Variants in GGT7 observed in about 807,000 individuals in gnomAD.
GGT7 encodes gamma-glutamyltransferase 7.
In GGT7, 30 loss-of-function variants were observed where a neutral mutation model predicts 69.2. The ratio of observed to expected loss-of-function variants is 0.43; its 90% confidence interval spans 0.32 to 0.59. The LOEUF (loss-of-function observed/expected upper bound fraction) is 0.59, where lower values mean the gene tolerates loss of function less well. GGT7 is among the 20% of genes least tolerant of loss of function. The probability of loss-of-function intolerance (pLI) is 0.05; values close to 1 mark genes in which losing one functional copy is unlikely to be tolerated. For missense variants in GGT7, 733 were observed against 901.1 expected (o/e 0.81, Z 2.39); for synonymous variants, 388 against 391.8 (o/e 0.99, Z 0.12).
intron 3 of GGT7, 24 bp from the exon 4 acceptor site, chr20:34,861,586 G>GCA: frequency 7.4e-7 from 1 of 1,352,852 alleles, no homozygotes; most frequent in Non-Finnish European, 1.0e-6. Context: ...AGAAGGGGAA[G>GCA]TGTGATGATA....
At chr20:34,846,908 C>T (rs2079313585) in intron 14 of GGT7, among the ~76,000 whole-genome samples, 1 of 152,280 alleles carries the variant, frequency 6.6e-6, no homozygotes, top group Middle Eastern at 3.4e-3. Flanking sequence ...AGTGCCTTTG[C>T]ACTTACTGTT....
At position 34,845,351 on chromosome 20, in the gene GGT7, C is replaced by T. The variant is rs753915074; in HGVS notation, c.1966G>A (p.Ala656Thr). 3 of 1,613,966 alleles carry T rather than the reference C, an allele frequency of 1.9e-6. No individual in the cohort carries two copies. Among genetic ancestry groups the T allele is most frequent in the East Asian group, 4.5e-5 (2 of 44,880 alleles). The stretch of plus-strand genomic sequence containing the variant: ...CTCTACAGGATGGTGGCTCCAGCTG[C>T]ATCTGGGCTCCGAGGGTCCTTAACA... ...IAVKDPRSPD[A>T]AGATIL The change falls in exon 15 of 15, where the codon GCA becomes ACA. Residue 656 changes from alanine to threonine, a missense_variant. Transcript: ENST00000336431.
At chr20:34,855,047 G>T in intron 8 of GGT7, 124 bp from the exon 9 acceptor site, 1 of 875,712 alleles carries the variant, frequency 1.1e-6, no homozygotes, top group Non-Finnish European at 1.7e-6. Context: ...CACCAGATGG[G>T]GAAACTGAAA....
In GGT7 at chr20:34,872,271, G is replaced by A. The variant is rs1445281926; in HGVS notation, c.169+376C>T. ...TTAAGGCACAGATTGGATCCCTCTT[G>A]CTGCAGTCTCTGACTTGGTTTCTCC... On this transcript the variant is annotated intron_variant, in intron 1 of 14. Coordinates refer to ENST00000336431, the MANE Select transcript of GGT7 (RefSeq NM_178026.3). The A allele has an allele frequency of 1.8e-5, 3 of 169,500 alleles. No homozygotes were observed. In the East Asian group the frequency reaches 4.7e-4, roughly 27 times the overall value. The allele number at this position is 169,500 out of a possible 1,614,324, so 10.5% of individuals were successfully genotyped here.
chr20:34,850,909 A>G (rs749604929), intron 13 of GGT7: 1 of 633,378 alleles, frequency 1.6e-6, no homozygotes. Flanking sequence ...CTGGTTGTCT[A>G]TTCAGATGCT....
At position 34,861,517 on chromosome 20, in the gene GGT7, G is replaced by T; in HGVS notation, c.603C>A (p.His201Gln). The change falls in exon 4 of 15, where the codon CAC becomes CAA. Residue 201 changes from histidine (H) to glutamine (Q), a missense_variant. Transcript: ENST00000336431. ...LVHDIRRNES[H>Q]LIDFRESAPG... Reference sequence around the variant, plus strand: ...GTGCGGACTCCCGGAAATCAATTAGGTGGCTCTCATTTCGTCGGATGTCAT... The same window carrying T: ...GTGCGGACTCCCGGAAATCAATTAGTTGGCTCTCATTTCGTCGGATGTCAT... The T allele has an allele frequency of 6.5e-7, 1 of 1,540,460 alleles. No homozygotes were observed. The highest frequency in any genetic ancestry group is 1.2e-5 in the South Asian group (1 of 83,050).
At chr20:34,855,873 C>T (rs1303497456) in intron 8 of GGT7, among the ~76,000 whole-genome samples, 1 of 151,184 alleles carries the variant, frequency 6.6e-6, no homozygotes, top group Non-Finnish European at 1.5e-5. Context: ...ATGCTTACTG[C>T]AGCCTTGACC....
chr20:34,856,995 C>T, intron 7 of GGT7, 102 bp from the exon 8 acceptor site: 1 of 755,890 alleles, frequency 1.3e-6, no homozygotes, highest in Non-Finnish European at 2.4e-6. Context: ...TTTATAACTT[C>T]TGTGCCTTCT....
At chr20:34,849,015 CTCTGA>C (rs1156950986) in intron 14 of GGT7, among the ~76,000 whole-genome samples, 1 of 149,484 alleles carries the variant, frequency 6.7e-6, no homozygotes, top group Admixed American at 6.6e-5. Flanking sequence ...CTGCCTGCCT[CTCTGA>C]TCTAATTTCA....
Position 34,860,236 on chromosome 20 carries a change from C to T in GGT7, c.743+18G>A. ...GATGCAAACGGGGGTCCCTGGTCCC[C>T]AGGGGGAGGGTTGTTACCTGCCATA... On this transcript the variant is annotated intron_variant, in intron 5 of 14. Transcript: ENST00000336431. 6.3e-7 allele frequency: 1 copy of T among 1,597,326 alleles called. No homozygotes were observed. The highest frequency in any genetic ancestry group is 1.3e-5 in the African/African-American group (1 of 74,714).
rs373147980 is a variant in GGT7, at chr20:34,860,039, C to A, written c.747G>T (p.Leu249=). The part of the protein sequence containing the change: ...LHEAHQLYGR[L]PWSQVLAFAA... The stretch of plus-strand genomic sequence containing the variant: ...CAAAGGCCAGGACTTGGGACCATGG[C>A]AGCCTGGGGGGGCCGGAGAGCAGGG... Residue 249 remains leucine (L), a synonymous_variant, in exon 6 of 15, where the codon CTG becomes CTT. Transcript: ENST00000336431. The A allele has an allele frequency of 1.3e-6, 2 of 1,553,246 alleles. No homozygotes were observed. Among genetic ancestry groups the A allele is most frequent in the South Asian group, 1.2e-5 (1 of 84,902 alleles).
At chr20:34,865,265 A>G (rs538286561) in intron 1 of GGT7, among the ~76,000 whole-genome samples, 1 of 152,094 alleles carries the variant, frequency 6.6e-6, no homozygotes, top group Non-Finnish European at 1.5e-5. Flanking sequence ...CCTCCCTGCA[A>G]CCTCTGCCTC....
intron 4 of GGT7, among the ~76,000 whole-genome samples, chr20:34,860,639 T>TTTTTG (rs1292872281): frequency 7.7e-5 from 3 of 38,722 alleles, no homozygotes; most frequent in African/African-American, 5.4e-4. Context: ...ACCCCTGCCT[T>TTTTTG]TTTTTTTTTT....
chr20:34,871,849 G>A (rs561450805), intron 1 of GGT7, among the ~76,000 whole-genome samples: 2 of 152,196 alleles, frequency 1.3e-5, no homozygotes, highest in African/African-American at 4.8e-5. Flanking sequence ...CACATGGCTA[G>A]GAGGAAGAGC....
intron 10 of GGT7, among the ~76,000 whole-genome samples, chr20:34,853,077 T>C (rs552064723): frequency 6.9e-4 from 105 of 152,034 alleles, no homozygotes; most frequent in Non-Finnish European, 1.2e-3. Context: ...AGCCTCCCGA[T>C]TATCTGGGAT....
intron 12 of GGT7, among the ~76,000 whole-genome samples, chr20:34,851,806 G>A (rs1327076283): frequency 3.3e-5 from 5 of 152,210 alleles, no homozygotes; most frequent in African/African-American, 1.2e-4. Context: ...ATAGGGCTGA[G>A]CCCCATCAGC....
Position 34,872,820 on chromosome 20 carries a change from G to T in GGT7, c.-5C>A, listed in dbSNP as rs375986939. The T allele has an allele frequency of 7.5e-7, 1 of 1,339,910 alleles. No homozygotes were observed. The highest frequency in any genetic ancestry group is 9.6e-7 in the Non-Finnish European group (1 of 1,038,800). The allele number at this position is 1,339,910 out of a possible 1,614,324, so 83.0% of individuals were successfully genotyped here. On this transcript the variant is annotated 5_prime_UTR_variant, in exon 1 of 15. Transcript: ENST00000336431. ...GGCCTCGTTCTCCGCCGCCATCCTC[G>T]CCCGCGCCCCCCAGCAGCGCAGCGC...
intron 9 of GGT7, 69 bp from the exon 10 acceptor site, chr20:34,854,688 C>A: frequency 1.9e-6 from 3 of 1,571,334 alleles, no homozygotes; most frequent in Non-Finnish European, 2.6e-6. Context: ...AGTGGACTTT[C>A]GTGTGTGAGA....
Position 34,863,109 on chromosome 20 carries a change from T to C in GGT7, c.406-144A>G. On this transcript the variant is annotated intron_variant, in intron 2 of 14. Coordinates refer to ENST00000336431, the MANE Select transcript of GGT7 (RefSeq NM_178026.3). The surrounding 1 kb of genome is among the most constrained non-coding windows in gnomAD (Gnocchi z 4.4). The stretch of plus-strand genomic sequence containing the variant: ...TTGACTCTGCCCTCATTACCCCAAG[T>C]GCCTCCTAATGGATCTGTCCTTATT... 1.2e-6 allele frequency: 1 copy of C among 834,896 alleles called. No homozygotes were observed. The highest frequency in any genetic ancestry group is 1.7e-5 in the South Asian group (1 of 57,710). 51.7% of individuals were successfully genotyped at this position (834,896 alleles called of 1,614,324 possible).
Sources: allele counts gnomAD v4.1 joint callset (sites outside exome capture counted in the v4.1 genomes callset), GRCh38; gene constraint gnomAD v4.1.1; non-coding constraint Gnocchi (gnomAD v3.1); transcripts MANE v1.5; gene names NCBI Gene and HGNC (gene_info 2026-07-23, HGNC 2026-07-21).